The following PLCD3 variants were observed in gnomAD, a reference collection of about 807,000 sequenced individuals.
PLCD3 encodes the protein phospholipase C delta 3, also known as 1-phosphatidylinositol 4,5-bisphosphate phosphodiesterase delta-3.
In PLCD3, 62 loss-of-function variants were observed where a neutral mutation model predicts 82.8. That is an observed-to-expected ratio of 0.75 (90% CI 0.61 to 0.93). The LOEUF is 0.93. Among genes scored for constraint, PLCD3 ranks in the 40% least tolerant of loss-of-function variants. The pLI is 0.00. For missense variants in PLCD3, 1,023 were observed against 1,103.4 expected, an observed-to-expected ratio of 0.93 and a Z score of 1.03; for synonymous variants, 478 against 471.8, an observed-to-expected ratio of 1.01 and a Z score of -0.17.
chr17:45,123,410 G>A (rs903311435), intron 1 of PLCD3, among the ~76,000 whole-genome samples: 1 of 152,200 alleles, frequency 6.6e-6, no homozygotes, highest in Non-Finnish European at 1.5e-5. Context: ...GCGGAATGAG[G>A]TCTTATCTCC....
chr17:45,127,920 A>G (rs1326424869), intron 1 of PLCD3, among the ~76,000 whole-genome samples: 3 of 152,140 alleles, frequency 2.0e-5, no homozygotes, highest in Non-Finnish European at 4.4e-5. Context: ...AGGGCTCCAC[A>G]GGAATGCGAG....
chr17:45,115,176 C>A lies in PLCD3; in HGVS notation c.1629G>T (p.Leu543=). Residue 543 remains leucine, a synonymous_variant, in exon 10 of 15, where the codon CTG becomes CTT. Transcript: ENST00000619929. ...GTTGTGGGGCGTTGGGGGCAGGGTG[C>A]AGGGTCCGCAGGCGGGTGGCGTGGC... ...VYCHATRLRT[L]HPAPNAPQPC... is the part of the protein sequence containing the mutation. 6.3e-7 allele frequency: 1 copy of A among 1,592,558 alleles called. No individual in the cohort carries two copies.
intron 10 of PLCD3, 119 bp from the exon 11 acceptor site, chr17:45,114,485 CCTCA>C (rs2054273914): frequency 1.4e-6 from 1 of 719,676 alleles, no homozygotes; most frequent in East Asian, 3.1e-5. Flanking sequence ...TGCCCCCGCT[CCTCA>C]CTCTCTTCTG....
At chr17:45,115,046 A>T in intron 10 of PLCD3, 48 bp downstream of exon 10, 2 of 1,552,628 alleles carry the variant, frequency 1.3e-6, no homozygotes, top group Non-Finnish European at 1.7e-6. Flanking sequence ...TCCCTTCAGG[A>T]GGTCTCTCAC....
In PLCD3 at chr17:45,112,830, C is replaced by T. The variant is rs2054256029; in HGVS notation, c.2281+33G>A. On this transcript the variant is annotated intron_variant, in intron 14 of 14. Transcript: ENST00000619929. Reference sequence around the variant, plus strand: ...ACAGGGTCTGCAGGACCTGGACCCACATCCCTCTCCATCCCCACCAGCCTC... The same window carrying T: ...ACAGGGTCTGCAGGACCTGGACCCATATCCCTCTCCATCCCCACCAGCCTC... 3 of 1,609,654 alleles carry T rather than the reference C, an allele frequency of 1.9e-6. No homozygotes were observed. The South Asian group carries it at 3.3e-5, about 18-fold the overall frequency.
chr17:45,112,646 G>A lies in PLCD3; in HGVS notation c.2340C>T (p.Leu780=), dbSNP rs2054253315. 4 of 1,606,564 alleles carry A rather than the reference G, an allele frequency of 2.5e-6. No homozygotes were observed. The highest frequency in any genetic ancestry group is 2.7e-5 in the African/African-American group (2 of 74,800). Residue 780 remains leucine (L), a synonymous_variant, in exon 15 of 15, where the codon CTC becomes CTT. Transcript: ENST00000619929. ...AGCGCTGGATGCGGATTTGGATGAA[G>A]AGCGTGGCTGGTGACAGTGAGGCCC... ...KDGASLSPAT[L]FIQIRIQRS is the part of the protein sequence containing the mutation.
chr17:45,124,483 AG>A (rs1193404396), intron 1 of PLCD3, among the ~76,000 whole-genome samples: 2 of 118,048 alleles, frequency 1.7e-5, no homozygotes, highest in African/African-American at 5.7e-5. Flanking sequence ...CCAGGTGCTG[AG>A]TCCCTGGTTG....
chr17:45,131,789 G>C (rs1339665843), intron 1 of PLCD3, among the ~76,000 whole-genome samples: 1 of 152,236 alleles, frequency 6.6e-6, no homozygotes, highest in Non-Finnish European at 1.5e-5. Context: ...GGCCGCCTCT[G>C]TGGGGCCGCG....
chr17:45,113,502 C>A lies in PLCD3; in HGVS notation c.1932G>T (p.Arg644=). 6.3e-7 allele frequency: 1 copy of A among 1,588,836 alleles called. No homozygotes were observed. The highest frequency in any genetic ancestry group is 8.6e-7 in the Non-Finnish European group (1 of 1,167,906). ...CGGGGTCAAAGGTCGAGTCAGGTTG[C>A]CGCAGGCAGGCAGGTTTTAGGACGT... The part of the protein sequence containing the change: ...CGYVLKPACL[R]QPDSTFDPEY... The change falls in exon 12 of 15, where the codon CGG becomes CGT. Residue 644 remains arginine, a synonymous_variant. Coordinates refer to ENST00000619929, the MANE Select transcript of PLCD3 (RefSeq NM_133373.5).
intron 1 of PLCD3, among the ~76,000 whole-genome samples, chr17:45,122,164 G>A (rs1353278000): frequency 6.6e-6 from 1 of 152,094 alleles, no homozygotes; most frequent in Non-Finnish European, 1.5e-5. Context: ...GGACAGCAGA[G>A]GCCACCCTGG....
chr17:45,113,219 C>T lies in PLCD3; in HGVS notation c.2034G>A (p.Glu678=). 6.2e-7 allele frequency: 1 copy of T among 1,610,414 alleles called. No individual in the cohort carries two copies. The highest frequency in any genetic ancestry group is 8.5e-7 in the Non-Finnish European group (1 of 1,178,484). ...TAQQLPKLNA[E]KPHSIVDPLV... is the part of the protein sequence containing the mutation. ...GGGGGTCCACAATGGAGTGTGGCTT[C>T]TCGGCATTCAGCTTGGGCAGCTGCT... Residue 678 remains glutamate (E), a synonymous_variant, in exon 13 of 15, where the codon GAG becomes GAA. Coordinates refer to ENST00000619929, the MANE Select transcript of PLCD3 (RefSeq NM_133373.5).
rs2054312215 is a variant in PLCD3 at position 45,118,743 on chromosome 17, CGCA to C, written c.913+69_913+71del. On this transcript the variant is annotated intron_variant, in intron 5 of 14. Coordinates refer to ENST00000619929, the MANE Select transcript of PLCD3 (RefSeq NM_133373.5). The surrounding 1 kb of genome is among the most constrained non-coding windows in gnomAD (Gnocchi z 4.1). ...GCCCGAGATGATGCCCGCGCCAGCC[CGCA>C]GCAGAACCCGCTTAGCTGGGAACAC... The C allele has an allele frequency of 1.4e-6, 2 of 1,472,092 alleles. No individual in the cohort carries two copies. The highest frequency in any genetic ancestry group is 1.4e-5 in the African/African-American group (1 of 71,726). 91.2% of individuals were successfully genotyped at this position (1,472,092 alleles called of 1,614,324 possible). A position where few individuals can be genotyped will look rare whatever the true frequency, so the allele number is the denominator to read the frequency against.
At chr17:45,125,668 C>T (rs756813894) in intron 1 of PLCD3, among the ~76,000 whole-genome samples, 7 of 152,194 alleles carry the variant, frequency 4.6e-5, no homozygotes, top group East Asian at 1.9e-4. Flanking sequence ...TATGGTTTAT[C>T]GATACAATGG....
intron 1 of PLCD3, among the ~76,000 whole-genome samples, chr17:45,127,600 C>T (rs1176835537): frequency 6.6e-6 from 1 of 152,166 alleles, no homozygotes; most frequent in African/African-American, 2.4e-5. Flanking sequence ...GTGCAGGTCG[C>T]CCCCAGGCAG....
chr17:45,120,843 C>A (rs1598032437), intron 3 of PLCD3, 59 bp downstream of exon 3: 1 of 1,399,430 alleles, frequency 7.1e-7, no homozygotes, highest in African/African-American at 1.5e-5. Context: ...AAGGATGGGG[C>A]TCTCCAAGGT....
At position 45,117,874 on chromosome 17, in the gene PLCD3, A is replaced by T. The variant is rs552037203; in HGVS notation, c.1260+120T>A. On this transcript the variant is annotated intron_variant, in intron 7 of 14. Transcript: ENST00000619929. The stretch of plus-strand genomic sequence containing the variant: ...CCACTTATCCCAGCAGCACTTGGTG[A>T]ATGAATGATTCTCTGGGCAAGGGTT... 2.2e-6 allele frequency: 3 copies of T among 1,347,300 alleles called. No homozygotes were observed. The African/African-American group carries it at 4.3e-5, about 19-fold the overall frequency. The allele number at this position is 1,347,300 out of a possible 1,614,324, so 83.5% of individuals were successfully genotyped here.
At chr17:45,114,949 G>A in intron 10 of PLCD3, 145 bp downstream of exon 10, 1 of 1,212,194 alleles carries the variant, frequency 8.2e-7, no homozygotes, top group Non-Finnish European at 1.1e-6. Context: ...GCATGTGCGG[G>A]GCCCTCATTC....
Position 45,109,748 on chromosome 17 carries a change from T to C in PLCD3, c.*2868A>G, listed in dbSNP as rs1302348406. 6.6e-6 allele frequency: 1 copy of C among 152,378 alleles called. No individual in the cohort carries two copies. The highest frequency in any genetic ancestry group is 1.5e-5 in the Non-Finnish European group (1 of 68,148). The allele number at this position is 152,378 out of a possible 1,614,324, so 9.4% of individuals were successfully genotyped here. ...TTTGGGCTGAGAGAACATAGCCCTA[T>C]GTGTTGTTTCTACCCATGGGCCTCT... On this transcript the variant is annotated 3_prime_UTR_variant, in exon 15 of 15. Transcript: ENST00000619929.
chr17:45,115,566 C>A, intron 8 of PLCD3, 76 bp from the exon 9 acceptor site: 1 of 1,371,784 alleles, frequency 7.3e-7, no homozygotes, highest in Non-Finnish European at 1.0e-6. Context: ...GTTATTCAAC[C>A]ACCGCCTTGT....
Sources: allele counts gnomAD v4.1 joint callset (sites outside exome capture counted in the v4.1 genomes callset), GRCh38; gene constraint gnomAD v4.1.1; non-coding constraint Gnocchi (gnomAD v3.1); transcripts MANE v1.5; gene names NCBI Gene and HGNC (gene_info 2026-07-23, HGNC 2026-07-21).